The following DCC variants were observed in gnomAD, a reference collection of about 807,000 sequenced individuals.
DCC encodes the protein DCC netrin 1 receptor.
Under a neutral mutation model 172.5 loss-of-function variants are expected in DCC, and 58 were observed. The ratio of observed to expected loss-of-function variants is 0.34; its 90% CI spans 0.27 to 0.42. DCC has a LOEUF of 0.42. Among genes scored for constraint, DCC ranks in the 10% least tolerant of loss-of-function variants. The pLI, the probability that DCC is intolerant of heterozygous loss-of-function variation, is 1.00. For synonymous variants in DCC, 709 were observed against 644.5 expected (o/e 1.10, Z -1.52); for missense variants, 1,740 against 1,791.0 (o/e 0.97, Z 0.51).
At chr18:52,442,851 A>T (rs760100345) in intron 1 of DCC, among the ~76,000 whole-genome samples, 1 of 152,154 alleles carries the variant, frequency 6.6e-6, no homozygotes, top group Non-Finnish European at 1.5e-5. Flanking sequence ...CAGAAAGCCA[A>T]TGTCTGCAGG....
chr18:52,762,363 A>T (rs965785024), intron 2 of DCC, among the ~76,000 whole-genome samples: 13 of 152,098 alleles, frequency 8.5e-5, no homozygotes, highest in African/African-American at 3.1e-4. Flanking sequence ...AGTCCCAGCT[A>T]CTTGGGAGGC....
At chr18:53,504,601 A>C (rs190431312) in intron 27 of DCC, among the ~76,000 whole-genome samples, 1 of 152,350 alleles carries the variant, frequency 6.6e-6, no homozygotes, top group Non-Finnish European at 1.5e-5. Flanking sequence ...GTCATCCTAA[A>C]TTACCATTGG....
intron 12 of DCC, among the ~76,000 whole-genome samples, chr18:53,269,530 G>T (rs1051806964): frequency 6.6e-6 from 1 of 152,272 alleles, no homozygotes; most frequent in Middle Eastern, 3.4e-3. Flanking sequence ...TAGGAAAAGA[G>T]AAAGGCATAG....
At chr18:52,489,484 T>C (rs1325736546) in intron 1 of DCC, among the ~76,000 whole-genome samples, 1 of 152,120 alleles carries the variant, frequency 6.6e-6, no homozygotes, top group Non-Finnish European at 1.5e-5. Flanking sequence ...AAATGTTATA[T>C]GCTGAGATCT....
intron 7 of DCC, among the ~76,000 whole-genome samples, chr18:53,108,615 A>G (rs1208097748): frequency 2.6e-5 from 4 of 151,922 alleles, no homozygotes; most frequent in African/African-American, 7.2e-5. Flanking sequence ...TGAGAGTTGT[A>G]CTTCCCAAGC....
intron 1 of DCC, among the ~76,000 whole-genome samples, chr18:52,548,141 C>A (rs1194715633): frequency 1.3e-5 from 2 of 152,082 alleles, no homozygotes; most frequent in African/African-American, 4.8e-5. Context: ...ATAGCCTTTT[C>A]TTTTCTTTTC....
At chr18:52,784,707 T>C (rs1279317989) in intron 2 of DCC, among the ~76,000 whole-genome samples, 1 of 152,040 alleles carries the variant, frequency 6.6e-6, no homozygotes, top group Non-Finnish European at 1.5e-5. Flanking sequence ...CATTTGTATG[T>C]CTTCTTTTGA....
At chr18:52,548,130 C>T (rs1022753398) in intron 1 of DCC, among the ~76,000 whole-genome samples, 2 of 152,118 alleles carry the variant, frequency 1.3e-5, no homozygotes, top group Non-Finnish European at 2.9e-5. Flanking sequence ...TATTTGTTAA[C>T]ATAGCCTTTT....
chr18:53,241,768 AG>A (rs1474964097), intron 12 of DCC, among the ~76,000 whole-genome samples: 6 of 152,156 alleles, frequency 3.9e-5, no homozygotes, highest in Non-Finnish European at 8.8e-5. Flanking sequence ...CTGCGCACTA[AG>A]TCTGGTATGG....
chr18:53,463,548 G>C (rs2045584500), intron 24 of DCC, among the ~76,000 whole-genome samples: 1 of 152,110 alleles, frequency 6.6e-6, no homozygotes, highest in South Asian at 2.1e-4. Flanking sequence ...TATGTAAGGA[G>C]AGATTACTGT....
rs552479225 is a variant in DCC at position 53,190,528 on chromosome 18, C to T, written c.1573+11412C>T. ...TACACAAACTAAGATTAGCCATGAT[C>T]GTTTCAGGAAAAATGATCAAACATT... On this transcript the variant is annotated intron_variant, in intron 9 of 28. Transcript: ENST00000442544. Among the ~76,000 whole-genome samples the T allele has an allele frequency of 7.3e-5, 11 of 149,682 alleles. No individual in the cohort carries two copies. The East Asian group carries it at 1.4e-3, about 19-fold the overall frequency.
intron 1 of DCC, among the ~76,000 whole-genome samples, chr18:52,640,782 C>T (rs947565401): frequency 6.6e-6 from 1 of 151,902 alleles, no homozygotes; most frequent in Admixed American, 6.6e-5. Flanking sequence ...GAAAAATGAC[C>T]ATACTGCCAA....
At chr18:52,626,072 T>C (rs2144869358) in intron 1 of DCC, among the ~76,000 whole-genome samples, 1 of 152,314 alleles carries the variant, frequency 6.6e-6, no homozygotes, top group African/African-American at 2.4e-5. Flanking sequence ...TTACATGTCA[T>C]TTAGAAGCTC....
intron 5 of DCC, among the ~76,000 whole-genome samples, chr18:52,952,636 A>G (rs984505418): frequency 1.3e-5 from 2 of 152,104 alleles, no homozygotes; most frequent in African/African-American, 4.8e-5. Flanking sequence ...GCTTAGTGTC[A>G]TTTCCATAAA....
chr18:53,265,284 A>G (rs539491726), intron 12 of DCC, among the ~76,000 whole-genome samples: 70 of 152,306 alleles, frequency 4.6e-4, no homozygotes, highest in Admixed American at 9.2e-4. Context: ...GCTCAATATT[A>G]CTAATAGAGG....
At chr18:52,743,405 T>C (rs2036854772) in intron 1 of DCC, among the ~76,000 whole-genome samples, 1 of 152,168 alleles carries the variant, frequency 6.6e-6, no homozygotes, top group Non-Finnish European at 1.5e-5. Context: ...GTTAATTTTG[T>C]ATGAGACCTG....
intron 1 of DCC, among the ~76,000 whole-genome samples, chr18:52,728,369 G>A (rs997039217): frequency 1.3e-5 from 2 of 152,130 alleles, no homozygotes; most frequent in East Asian, 1.9e-4. Context: ...ATCTCTCACC[G>A]AGTAGGCAGA....
At chr18:53,268,938 G>A (rs1036904144) in intron 12 of DCC, among the ~76,000 whole-genome samples, 2 of 152,182 alleles carry the variant, frequency 1.3e-5, no homozygotes, top group African/African-American at 4.8e-5. Context: ...TTTTTATAGA[G>A]TGTAGTCTCC....
At position 53,263,021 on chromosome 18, in the gene DCC, A is replaced by G. The variant is rs567797747; in HGVS notation, c.1912-42557A>G. Among the ~76,000 whole-genome samples the G allele has an allele frequency of 2.0e-4, 31 of 152,336 alleles. No individual in the cohort carries two copies. In the South Asian group the frequency reaches 3.3e-3, roughly 16 times the overall value. ...CATTGGCAATGAAAGTTCCAATAAGAACTGGATTTGGGGGTATGGGGAACA... is the reference window on the plus strand; with the variant it reads ...CATTGGCAATGAAAGTTCCAATAAGGACTGGATTTGGGGGTATGGGGAACA... On this transcript the variant is annotated intron_variant, in intron 12 of 28. Transcript: ENST00000442544.
Sources: allele counts gnomAD v4.1 joint callset (sites outside exome capture counted in the v4.1 genomes callset), GRCh38; gene constraint gnomAD v4.1.1; transcripts MANE v1.5; gene names NCBI Gene and HGNC (gene_info 2026-07-23, HGNC 2026-07-21).